Variants in BMP5 observed in about 807,000 individuals in gnomAD.
BMP5 encodes the protein bone morphogenetic protein 5.
BMP5 carries 23 observed loss-of-function variants against 46.6 expected under a neutral mutation model. The ratio of observed to expected loss-of-function variants is 0.49; its 90% confidence interval spans 0.35 to 0.70. The LOEUF (loss-of-function observed/expected upper bound fraction) is 0.70. Ranked by LOEUF, BMP5 falls within the 30% of genes least tolerant of loss-of-function variation. BMP5 has a pLI of 0.00. For missense variants in BMP5, 545 were observed against 565.6 expected, an observed-to-expected ratio of 0.96 and a Z score of 0.37; for synonymous variants, 204 against 191.9, an observed-to-expected ratio of 1.06 and a Z score of -0.52.
At chr6:55,847,866 G>A (rs895468234) in intron 1 of BMP5, among the ~76,000 whole-genome samples, 1 of 151,464 alleles carries the variant, frequency 6.6e-6, no homozygotes, top group African/African-American at 2.4e-5. Context: ...GGACTACTAG[G>A]GAAAATAGTA....
At chr6:55,762,474 C>T (rs1460316226) in intron 4 of BMP5, among the ~76,000 whole-genome samples, 2 of 151,980 alleles carry the variant, frequency 1.3e-5, no homozygotes, top group African/African-American at 4.8e-5. Flanking sequence ...GTTATTTATT[C>T]CTACTATGCA....
At chr6:55,852,134 C>T (rs1035309554) in intron 1 of BMP5, among the ~76,000 whole-genome samples, 4 of 152,042 alleles carry the variant, frequency 2.6e-5, no homozygotes, top group Non-Finnish European at 4.4e-5. Context: ...AGGAAGCATG[C>T]TATATACAAT....
At chr6:55,817,980 G>T (rs945452970) in intron 2 of BMP5, among the ~76,000 whole-genome samples, 4 of 152,104 alleles carry the variant, frequency 2.6e-5, no homozygotes, top group African/African-American at 7.2e-5. Context: ...AATAGCCAAG[G>T]TAGAGACAAA....
intron 3 of BMP5, among the ~76,000 whole-genome samples, chr6:55,786,040 A>C (rs1775440071): frequency 6.6e-6 from 1 of 151,776 alleles, no homozygotes; most frequent in Non-Finnish European, 1.5e-5. Flanking sequence ...GAGAATGTGT[A>C]TATGCCTGGG....
rs748805730 is a variant in BMP5, at chr6:55,760,407, A to T, written c.1104+50T>A. On this transcript the variant is annotated intron_variant, in intron 5 of 6. Transcript: ENST00000370830. ...TGCCAAAGACTATGACTTATTAAGG[A>T]TTTATGATAATTCAGAAAAGAAGCA... is the stretch of plus-strand genomic sequence containing the variant. The T allele has an allele frequency of 2.0e-6, 3 of 1,521,186 alleles. No homozygotes were observed. The Admixed American group carries it at 5.0e-5, about 26-fold the overall frequency. 94.2% of individuals were successfully genotyped at this position (1,521,186 alleles called of 1,614,324 possible).
At chr6:55,829,595 A>T (rs150983577) in intron 1 of BMP5, among the ~76,000 whole-genome samples, 21 of 152,042 alleles carry the variant, frequency 1.4e-4, no homozygotes, top group African/African-American at 5.1e-4. Flanking sequence ...TCAGTTTCAC[A>T]CTACCTGTGT....
At chr6:55,857,655 T>C (rs1282558281) in intron 1 of BMP5, among the ~76,000 whole-genome samples, 2 of 152,244 alleles carry the variant, frequency 1.3e-5, no homozygotes, top group East Asian at 1.9e-4. Context: ...GGTAAATGCA[T>C]GCAATTACTA....
chr6:55,774,214 G>A lies in BMP5; in HGVS notation c.862C>T (p.Leu288Phe). Residue 288 changes from leucine to phenylalanine, a missense_variant, in exon 4 of 7, where the codon CTT (leucine) becomes TTT (phenylalanine). By Grantham distance (22) the Leu-to-Phe change is conservative. Coordinates refer to ENST00000370830, the MANE Select transcript of BMP5 (RefSeq NM_021073.4). ...GRSINVKSAG[L>F]VGRQGPQSKQ... ...GACTGAGGTCCCTGTCTTCCCACAA[G>A]ACCAGCAGATTTTACGTTGATACTG... 1 of 1,612,994 alleles carries A rather than the reference G, an allele frequency of 6.2e-7. No homozygotes were observed. Among genetic ancestry groups the A allele is most frequent in the South Asian group, 1.1e-5 (1 of 91,062 alleles).
At chr6:55,837,857 C>T (rs866050470) in intron 1 of BMP5, among the ~76,000 whole-genome samples, 21 of 152,220 alleles carry the variant, frequency 1.4e-4, no homozygotes, top group Admixed American at 5.9e-4. Flanking sequence ...TATCTATGTC[C>T]GTGAGTTCAA....
intron 1 of BMP5, among the ~76,000 whole-genome samples, chr6:55,847,575 C>G (rs922292000): frequency 2.0e-5 from 3 of 151,672 alleles, no homozygotes; most frequent in Non-Finnish European, 4.4e-5. Flanking sequence ...AAAAAAAGTG[C>G]TATTATTCAT....
intron 2 of BMP5, among the ~76,000 whole-genome samples, chr6:55,807,279 G>GTTTAA (rs1776013918): frequency 2.6e-5 from 4 of 152,084 alleles, no homozygotes; most frequent in African/African-American, 9.7e-5. Context: ...TAACATGAAG[G>GTTTAA]GATGTTGAAC....
Position 55,763,637 on chromosome 6 carries a change from A to C in BMP5, c.1028-3104T>G, listed in dbSNP as rs554270819. On this transcript the variant is annotated intron_variant, in intron 4 of 6. Coordinates refer to ENST00000370830, the MANE Select transcript of BMP5 (RefSeq NM_021073.4). ...ATTAGTATGAAATGGATATAATTCT[A>C]CTGTTAATGAGCCTGCCTACAAATG... Among the ~76,000 whole-genome samples the C allele has an allele frequency of 2.0e-5, 3 of 152,306 alleles. No homozygotes were observed. In the South Asian group the frequency reaches 6.2e-4, roughly 32 times the overall value.
intron 1 of BMP5, among the ~76,000 whole-genome samples, chr6:55,847,326 C>T (rs62404966): frequency 0.18 from 27,948 of 151,846 alleles, 2,994 homozygotes; most frequent in Non-Finnish European, 0.24. Context: ...CTGTTTGTAA[C>T]GTGTCCTTTT....
chr6:55,836,619 C>T (rs62404964), intron 1 of BMP5, among the ~76,000 whole-genome samples: 2 of 142,206 alleles, frequency 1.4e-5, no homozygotes, highest in African/African-American at 5.3e-5. Flanking sequence ...CACACACAAA[C>T]ACATACATAC....
intron 3 of BMP5, among the ~76,000 whole-genome samples, chr6:55,786,120 G>C (rs12200347): frequency 0.17 from 26,458 of 151,516 alleles, 2,634 homozygotes; most frequent in Non-Finnish European, 0.23. Context: ...CTCTTTACCA[G>C]TTTCTCCATC....
intron 1 of BMP5, among the ~76,000 whole-genome samples, chr6:55,857,520 T>C (rs76748446): frequency 0.033 from 5,012 of 152,224 alleles, 256 homozygotes; most frequent in African/African-American, 0.11. Context: ...ATATCCTATA[T>C]CATTGTGATC....
rs78837777 is a variant in BMP5 at position 55,866,361 on chromosome 6, C to T, written c.490+8015G>A. Among the ~76,000 whole-genome samples, 656 of 152,178 alleles carry T rather than the reference C, an allele frequency of 4.3e-3. 19 individuals are homozygous for T. In the East Asian group the frequency reaches 0.079, roughly 18 times the overall value. ...GCCTCTCTGAGTCACAGATGGTCTG[C>T]CAGAGGAGAATAAAGGTAGCAAAGA... is the stretch of plus-strand genomic sequence containing the variant. On this transcript the variant is annotated intron_variant, in intron 1 of 6. Coordinates refer to ENST00000370830, the MANE Select transcript of BMP5 (RefSeq NM_021073.4).
intron 1 of BMP5, among the ~76,000 whole-genome samples, chr6:55,840,137 G>C (rs111449609): frequency 2.0e-5 from 3 of 151,724 alleles, no homozygotes; most frequent in Non-Finnish European, 4.4e-5. Flanking sequence ...TTGATACTAC[G>C]GTAAATATTT....
chr6:55,818,971 C>CAGACAGAT (rs1180896828), intron 2 of BMP5, among the ~76,000 whole-genome samples: 1 of 150,564 alleles, frequency 6.6e-6, no homozygotes, highest in African/African-American at 2.5e-5. Context: ...GACAGACAGA[C>CAGACAGAT]AGATAGATAG....
Sources: allele counts gnomAD v4.1 joint callset (sites outside exome capture counted in the v4.1 genomes callset), GRCh38; gene constraint gnomAD v4.1.1; transcripts MANE v1.5; gene names NCBI Gene and HGNC (gene_info 2026-07-23, HGNC 2026-07-21).